The following GPR89A variants were observed in gnomAD, a reference collection of about 807,000 sequenced individuals.
The protein encoded by GPR89A is golgi pH regulator A.
In GPR89A, 16 loss-of-function variants were observed where a neutral mutation model predicts 52.0. The ratio of observed to expected loss-of-function variants is 0.31; its 90% confidence interval spans 0.21 to 0.47. The LOEUF (loss-of-function observed/expected upper bound fraction) is 0.47, where lower values mean the gene tolerates loss of function less well. Among genes scored for constraint, GPR89A ranks in the 20% least tolerant of loss-of-function variants. The probability of loss-of-function intolerance (pLI) is 1.00; values close to 1 mark genes in which losing one functional copy is unlikely to be tolerated. For missense variants in GPR89A, 135 were observed against 449.4 expected (o/e 0.30, Z 6.33); for synonymous variants, 55 against 150.9 (o/e 0.36, Z 4.66).
intron 10 of GPR89A, among the ~76,000 whole-genome samples, chr1:145,647,977 A>G (rs1219531136): frequency 1.4e-5 from 2 of 141,594 alleles, no homozygotes; most frequent in African/African-American, 5.3e-5. Flanking sequence ...AACTGTATAT[A>G]TAACTTCAAC....
At chr1:145,660,364 G>A (rs1652108521) in intron 10 of GPR89A, among the ~76,000 whole-genome samples, 1 of 151,248 alleles carries the variant, frequency 6.6e-6, no homozygotes, top group African/African-American at 2.4e-5. Flanking sequence ...AGAAAACCTA[G>A]GCGTTACCAT....
At chr1:145,665,827 T>C (rs1300834002) in intron 12 of GPR89A, among the ~76,000 whole-genome samples, 176 bp downstream of exon 12, 5 of 144,732 alleles carry the variant, frequency 3.5e-5, no homozygotes, top group African/African-American at 1.3e-4. Flanking sequence ...ACCCCATCTC[T>C]ACTAAAAATA....
intron 5 of GPR89A, among the ~76,000 whole-genome samples, chr1:145,627,560 A>G (rs1649594240): frequency 6.6e-6 from 1 of 152,240 alleles, no homozygotes. Flanking sequence ...TTACACAAAT[A>G]TTTATTGAGC....
intron 7 of GPR89A, among the ~76,000 whole-genome samples, chr1:145,637,454 A>G (rs1650325581): frequency 6.6e-6 from 1 of 151,984 alleles, no homozygotes; most frequent in African/African-American, 2.4e-5. Flanking sequence ...TGCTGCAGGT[A>G]TGACAGATTT....
chr1:145,665,221 G>A (rs1342610983), intron 11 of GPR89A, among the ~76,000 whole-genome samples: 3 of 152,058 alleles, frequency 2.0e-5, no homozygotes, highest in African/African-American at 7.2e-5. Flanking sequence ...GGTGACTCAT[G>A]CCTGTAATAC....
intron 10 of GPR89A, among the ~76,000 whole-genome samples, chr1:145,653,035 T>C (rs1465732371): frequency 2.8e-5 from 4 of 141,030 alleles, no homozygotes; most frequent in Non-Finnish European, 6.0e-5. Flanking sequence ...GTTTGTTTGC[T>C]CTTGGTTCTC....
intron 1 of GPR89A, among the ~76,000 whole-genome samples, chr1:145,611,241 G>A (rs587624664): frequency 2.0e-5 from 3 of 149,462 alleles, no homozygotes; most frequent in African/African-American, 7.4e-5. Context: ...TACTTGTGCC[G>A]GGTATATTGT....
intron 10 of GPR89A, among the ~76,000 whole-genome samples, 163 bp from the exon 11 acceptor site, chr1:145,663,166 A>C (rs1290561549): frequency 2.0e-5 from 3 of 152,044 alleles, no homozygotes; most frequent in African/African-American, 4.8e-5. Context: ...TGAGTATCCA[A>C]AATAGATTTC....
chr1:145,635,319 T>C (rs1182429895), intron 7 of GPR89A, among the ~76,000 whole-genome samples: 3 of 151,744 alleles, frequency 2.0e-5, no homozygotes, highest in African/African-American at 7.3e-5. Context: ...GGCAGGAGAA[T>C]GGTGTGAACC....
intron 7 of GPR89A, among the ~76,000 whole-genome samples, chr1:145,632,234 AT>A (rs1649927471): frequency 6.6e-6 from 1 of 152,126 alleles, no homozygotes; most frequent in Admixed American, 6.5e-5. Flanking sequence ...TCACATGTTT[AT>A]TTTTTTGTGG....
In GPR89A at chr1:145,616,463, G is replaced by A. The variant is rs1355800570; in HGVS notation, c.102+170G>A. Reference sequence around the variant, plus strand: ...TAAGTAGACTTAATTGATTTAAAAGGGGGGAAAAAAGGCAAATCAAATATA... The same window carrying A: ...TAAGTAGACTTAATTGATTTAAAAGAGGGGAAAAAAGGCAAATCAAATATA... On this transcript the variant is annotated intron_variant, in intron 2 of 13. Coordinates refer to ENST00000313835, the MANE Select transcript of GPR89A (RefSeq NM_001097612.2). 1.5e-4 allele frequency among the ~76,000 whole-genome samples: 23 copies of A among 152,076 alleles called. 1 individual carries two copies. Among genetic ancestry groups the A allele is most frequent in the African/African-American group, 4.8e-4 (20 of 41,432 alleles).
intron 12 of GPR89A, among the ~76,000 whole-genome samples, chr1:145,667,203 C>T (rs1469772086): frequency 1.3e-5 from 2 of 152,186 alleles, no homozygotes; most frequent in African/African-American, 4.8e-5. Context: ...GTCCCACCAA[C>T]AGTGTAAAAG....
intron 9 of GPR89A, chr1:145,646,542 C>T (rs1436251625): frequency 2.2e-6 from 1 of 448,572 alleles, no homozygotes; most frequent in African/African-American, 2.0e-5. Context: ...CACGTACCAC[C>T]TCCTACTAAC....
chr1:145,658,987 A>G (rs1282092417), intron 10 of GPR89A, among the ~76,000 whole-genome samples: 1 of 152,080 alleles, frequency 6.6e-6, no homozygotes, highest in Non-Finnish European at 1.5e-5. Flanking sequence ...CATGTTGGCC[A>G]GGCTGGTCTC....
chr1:145,629,813 A>C (rs1318955036), intron 5 of GPR89A, among the ~76,000 whole-genome samples: 5 of 151,980 alleles, frequency 3.3e-5, no homozygotes, highest in South Asian at 4.2e-4. Context: ...TGGAAATAGA[A>C]AGACTAGGAA....
chr1:145,622,834 T>G (rs1273240677), intron 3 of GPR89A, among the ~76,000 whole-genome samples: 11 of 151,802 alleles, frequency 7.2e-5, no homozygotes, highest in Admixed American at 7.2e-4. Flanking sequence ...TATTTTAATA[T>G]ATGAAATTCT....
intron 10 of GPR89A, among the ~76,000 whole-genome samples, chr1:145,647,887 A>C (rs79905304): frequency 7.0e-4 from 56 of 79,550 alleles, no homozygotes; most frequent in Non-Finnish European, 1.3e-3. Context: ...CTCTATATAT[A>C]TATATATATA....
intron 10 of GPR89A, among the ~76,000 whole-genome samples, chr1:145,659,305 G>A (rs1410138544): frequency 9.2e-5 from 14 of 151,660 alleles, no homozygotes; most frequent in Admixed American, 2.6e-4. Context: ...CTGCCTCAGC[G>A]TCCCAAGTAG....
chr1:145,637,461 A>G (rs1354586647), intron 7 of GPR89A, among the ~76,000 whole-genome samples: 1 of 152,014 alleles, frequency 6.6e-6, no homozygotes, highest in Non-Finnish European at 1.5e-5. Context: ...GGTATGACAG[A>G]TTTCACAGTT....
Sources: gnomAD v4.1 joint callset for allele counts (sites outside exome capture counted in the v4.1 genomes callset) on GRCh38, gnomAD v4.1.1 for gene constraint, MANE v1.5 for transcripts, NCBI Gene and HGNC (gene_info 2026-07-23, HGNC 2026-07-21) for gene names.